UTRN: variants seen among roughly 807,000 people sequenced by gnomAD.
UTRN encodes the protein utrophin, also known as dystrophin-related protein 1.
In UTRN, 283 loss-of-function variants were observed where a neutral mutation model predicts 463.9. That is an observed-to-expected ratio of 0.61 (90% CI 0.55 to 0.67). The LOEUF (loss-of-function observed/expected upper bound fraction) is 0.67, where lower values mean the gene tolerates loss of function less well. UTRN is among the 30% of genes least tolerant of loss of function. The pLI is 0.00. For missense variants in UTRN, 3,922 were observed against 4,084.3 expected (o/e 0.96, Z 1.08); for synonymous variants, 1,442 against 1,431.5 (o/e 1.01, Z -0.17).
chr6:144,437,906 A>G (rs978640682), intron 11 of UTRN, among the ~76,000 whole-genome samples, 160 bp downstream of exon 11: 8 of 152,350 alleles, frequency 5.3e-5, no homozygotes, highest in Middle Eastern at 3.4e-3. Flanking sequence ...ATTCTGCATG[A>G]TCTTTGTTTC....
At chr6:144,590,104 G>A (rs1355996096) in intron 51 of UTRN, among the ~76,000 whole-genome samples, 1 of 152,036 alleles carries the variant, frequency 6.6e-6, no homozygotes, top group Non-Finnish European at 1.5e-5. Flanking sequence ...CAAGCAATCT[G>A]CCTGCCTCGG....
At chr6:144,473,923 A>G in intron 24 of UTRN, 90 bp downstream of exon 24, 1 of 812,022 alleles carries the variant, frequency 1.2e-6, no homozygotes, top group South Asian at 1.8e-5. Context: ...TTGTGAGAAT[A>G]TAGCATAGCA....
At chr6:144,512,776 A>G (rs973980307) in intron 35 of UTRN, among the ~76,000 whole-genome samples, 1 of 151,944 alleles carries the variant, frequency 6.6e-6, no homozygotes, top group Admixed American at 6.6e-5. Context: ...CCTGAGGTCA[A>G]GTGATCCTCC....
intron 65 of UTRN, among the ~76,000 whole-genome samples, chr6:144,812,672 C>G (rs1778726142): frequency 6.6e-6 from 1 of 152,044 alleles, no homozygotes; most frequent in African/African-American, 2.4e-5. Context: ...TGAAAATTTC[C>G]TAACTGTATT....
intron 65 of UTRN, among the ~76,000 whole-genome samples, chr6:144,812,967 C>G (rs992908715): frequency 6.6e-6 from 1 of 152,046 alleles, no homozygotes; most frequent in Non-Finnish European, 1.5e-5. Flanking sequence ...TTCACATGCC[C>G]ACTTATCTGT....
rs1030089049 is a variant in UTRN, at chr6:144,718,743, T to C, written c.7810-11614T>C. 2.6e-5 allele frequency among the ~76,000 whole-genome samples: 4 copies of C among 152,216 alleles called. No homozygotes were observed. The East Asian group carries it at 5.8e-4, about 22-fold the overall frequency. On this transcript the variant is annotated intron_variant, in intron 53 of 74. Transcript: ENST00000367545. ...CTCCTCCTTCATTCATACAAAAATT[T>C]ATTGGCTTTCCGCTATACCTGCTCT...
intron 51 of UTRN, among the ~76,000 whole-genome samples, chr6:144,674,590 T>C (rs1434375896): frequency 6.6e-6 from 1 of 152,176 alleles, no homozygotes; most frequent in Non-Finnish European, 1.5e-5. Flanking sequence ...GAGGTCTCCC[T>C]CTGTCACCCA....
intron 2 of UTRN, among the ~76,000 whole-genome samples, chr6:144,362,778 C>T (rs73592865): frequency 0.029 from 4,469 of 152,196 alleles, 210 homozygotes; most frequent in African/African-American, 0.099. Flanking sequence ...GATTTCCACG[C>T]GATGCAATAT....
intron 54 of UTRN, among the ~76,000 whole-genome samples, chr6:144,731,029 T>C (rs763371609): frequency 1.2e-4 from 18 of 150,820 alleles, no homozygotes; most frequent in Non-Finnish European, 1.9e-4. Flanking sequence ...TAGCAAAAAA[T>C]ATATATTTCT....
chr6:144,618,449 C>G (rs1309383088), intron 51 of UTRN, among the ~76,000 whole-genome samples: 1 of 152,068 alleles, frequency 6.6e-6, no homozygotes, highest in Non-Finnish European at 1.5e-5. Context: ...TGAATTTAAT[C>G]TTCCATGTAT....
At chr6:144,445,867 A>C (rs1787642353) in intron 14 of UTRN, among the ~76,000 whole-genome samples, 1 of 151,964 alleles carries the variant, frequency 6.6e-6, no homozygotes, top group Non-Finnish European at 1.5e-5. Context: ...CTCTACTAAA[A>C]ATGCAAAAAA....
At chr6:144,732,232 A>G (rs1360192528) in intron 54 of UTRN, among the ~76,000 whole-genome samples, 6 of 28,752 alleles carry the variant, frequency 2.1e-4, no homozygotes, top group Non-Finnish European at 2.6e-4. Context: ...ATATATATAT[A>G]TATATACATA....
rs1799237269 is a variant in UTRN at position 144,554,828 on chromosome 6, G to T, written c.7069G>T (p.Ala2357Ser). ...ETEELMRKYE[A>S]RLYILQQARR... ...TGAAGAACTGATGAGAAAATATGAG[G>T]CTCGACTCTATATTCTTCAGCAAGC... The change falls in exon 49 of 75, where the codon GCT becomes TCT. Residue 2357 changes from alanine to serine, a missense_variant. This residue lies in a region of UTRN where 1,309 missense variants were observed against 1,452.6 expected (regional missense o/e 0.90). Transcript: ENST00000367545. The T allele has an allele frequency of 6.2e-7, 1 of 1,613,836 alleles. No homozygotes were observed. Among genetic ancestry groups the T allele is most frequent in the South Asian group, 1.1e-5 (1 of 91,078 alleles).
At chr6:144,593,556 G>C (rs568610356) in intron 51 of UTRN, among the ~76,000 whole-genome samples, 1 of 152,114 alleles carries the variant, frequency 6.6e-6, no homozygotes, top group African/African-American at 2.4e-5. Context: ...GTAAAGAGGG[G>C]AGTCTCTGGC....
chr6:144,695,348 T>C (rs531429881), intron 52 of UTRN, among the ~76,000 whole-genome samples: 2 of 147,518 alleles, frequency 1.4e-5, no homozygotes, highest in East Asian at 3.9e-4. Flanking sequence ...TGATTAAACT[T>C]TTTTTTTTTT....
intron 2 of UTRN, among the ~76,000 whole-genome samples, chr6:144,294,679 T>A (rs900765817): frequency 6.6e-6 from 1 of 152,180 alleles, no homozygotes; most frequent in Non-Finnish European, 1.5e-5. Context: ...TCCAAAAGGC[T>A]GGCATAATTA....
At chr6:144,445,572 T>G (rs568345389) in intron 14 of UTRN, among the ~76,000 whole-genome samples, 1 of 145,502 alleles carries the variant, frequency 6.9e-6, no homozygotes, top group African/African-American at 2.6e-5. Flanking sequence ...CCCCCCGCCC[T>G]CAATCTGTGG....
intron 33 of UTRN, among the ~76,000 whole-genome samples, chr6:144,497,276 G>T (rs1793742807): frequency 6.6e-6 from 1 of 152,092 alleles, no homozygotes; most frequent in Non-Finnish European, 1.5e-5. Flanking sequence ...GACATATGTA[G>T]GAAGTGAAAT....
intron 19 of UTRN, 70 bp from the exon 20 acceptor site, chr6:144,458,700 A>G (rs1789114367): frequency 6.7e-7 from 1 of 1,499,338 alleles, no homozygotes; most frequent in Non-Finnish European, 8.9e-7. Flanking sequence ...GAGTGTTAGA[A>G]TGTTCAGAAT....
Sources: gnomAD v4.1 joint callset for allele counts (sites outside exome capture counted in the v4.1 genomes callset) on GRCh38, gnomAD v4.1.1 for gene constraint, gnomAD v4.1.1 regional missense constraint, MANE v1.5 for transcripts, NCBI Gene and HGNC (gene_info 2026-07-23, HGNC 2026-07-21) for gene names.